The following DUSP10 variants were observed in gnomAD, a reference collection of about 807,000 sequenced individuals.
DUSP10 encodes dual specificity phosphatase 10, also known as dual specificity protein phosphatase 10.
Under a neutral mutation model 30.8 loss-of-function variants are expected in DUSP10, and 14 were observed. That is an observed-to-expected ratio of 0.46 (90% CI 0.30 to 0.71). The LOEUF is 0.71. DUSP10 is among the 30% of genes least tolerant of loss of function. The pLI is 0.08. For synonymous variants in DUSP10, 254 were observed against 250.4 expected, an observed-to-expected ratio of 1.01 and a Z score of -0.14; for missense variants, 550 against 619.4, an observed-to-expected ratio of 0.89 and a Z score of 1.19.
At chr1:221,704,652 C>T (rs1050584440) in intron 3 of DUSP10, among the ~76,000 whole-genome samples, 1 of 152,142 alleles carries the variant, frequency 6.6e-6, no homozygotes, top group African/African-American at 2.4e-5. Flanking sequence ...ATAAACATTG[C>T]CTTAGTGTGT....
chr1:221,737,950 G>A (rs371030669), intron 2 of DUSP10, among the ~76,000 whole-genome samples: 1 of 152,310 alleles, frequency 6.6e-6, no homozygotes, highest in East Asian at 1.9e-4. Context: ...CCTTGGCTCA[G>A]AACACAAGAG....
intron 2 of DUSP10, among the ~76,000 whole-genome samples, chr1:221,732,388 C>T (rs1279998710): frequency 6.6e-6 from 1 of 152,120 alleles, no homozygotes; most frequent in Non-Finnish European, 1.5e-5. Flanking sequence ...ATATTTGGTC[C>T]ATATTCTAAT....
chr1:221,704,436 T>C (rs1421850517), intron 3 of DUSP10, among the ~76,000 whole-genome samples: 1 of 152,104 alleles, frequency 6.6e-6, no homozygotes, highest in African/African-American at 2.4e-5. Context: ...TAGAAAACAA[T>C]TTCCTAACTT....
At chr1:221,712,382 G>A (rs1660964509) in intron 2 of DUSP10, among the ~76,000 whole-genome samples, 1 of 152,120 alleles carries the variant, frequency 6.6e-6, no homozygotes, top group African/African-American at 2.4e-5. Context: ...TTACTCAGGG[G>A]AAGAAAGAGA....
chr1:221,716,413 C>G (rs1406400098), intron 2 of DUSP10, among the ~76,000 whole-genome samples: 1 of 152,176 alleles, frequency 6.6e-6, no homozygotes, highest in African/African-American at 2.4e-5. Flanking sequence ...CAGGGAAGTG[C>G]CTTCTGCTCT....
At chr1:221,726,188 A>G (rs1276797112) in intron 2 of DUSP10, among the ~76,000 whole-genome samples, 1 of 152,176 alleles carries the variant, frequency 6.6e-6, no homozygotes, top group African/African-American at 2.4e-5. Flanking sequence ...ATTGGGGGGA[A>G]AAATAAACTC....
Position 221,739,328 on chromosome 1 carries a change from C to G in DUSP10, c.417G>C (p.Gly139=). The change falls in exon 2 of 4, where the codon GGG becomes GGC. Residue 139 remains glycine (G), a synonymous_variant. Coordinates refer to ENST00000366899, the MANE Select transcript of DUSP10 (RefSeq NM_007207.6). ...PSSGVGSPVS[G]TPKQLASIKI... is the part of the protein sequence containing the mutation. ...TGATGCTGGCTAGCTGCTTGGGGGT[C>G]CCTGACACAGGGCTGCCCACCCCAC... is the stretch of plus-strand genomic sequence containing the variant. 6.2e-7 allele frequency: 1 copy of G among 1,614,048 alleles called. No individual in the cohort carries two copies. Among genetic ancestry groups the G allele is most frequent in the Non-Finnish European group, 8.5e-7 (1 of 1,179,970 alleles).
chr1:221,724,283 A>G (rs561789296), intron 2 of DUSP10, among the ~76,000 whole-genome samples: 10 of 152,330 alleles, frequency 6.6e-5, no homozygotes, highest in Middle Eastern at 3.4e-3. Context: ...TACTGTTATT[A>G]CCACATTGAG....
Position 221,739,423 on chromosome 1 carries a change from T to C in DUSP10, c.322A>G (p.Thr108Ala), listed in dbSNP as rs1243089584. Residue 108 changes from threonine to alanine, a missense_variant, in exon 2 of 4, where the codon ACC (threonine) becomes GCC (alanine). Thr to Ala is a moderately conservative substitution (Grantham distance 58, BLOSUM62 0). Transcript: ENST00000366899. ...TGGTTAGCAGGGCAGGTGGTAGAGG[T>C]TCCGATGGCAGTGGTGGTGGTGCCA... is the stretch of plus-strand genomic sequence containing the variant. Reference protein sequence around the residue: ...AAGTTTTAIGTSTTCPANQMV... With the variant: ...AAGTTTTAIGASTTCPANQMV... 1.9e-6 allele frequency: 3 copies of C among 1,614,160 alleles called. No individual in the cohort carries two copies. The highest frequency in any genetic ancestry group is 2.5e-6 in the Non-Finnish European group (3 of 1,180,012).
chr1:221,707,542 T>A (rs1167139552), intron 2 of DUSP10, among the ~76,000 whole-genome samples: 2 of 152,322 alleles, frequency 1.3e-5, no homozygotes, highest in East Asian at 3.8e-4. Flanking sequence ...TTCTCCATTT[T>A]TAAAATGCAA....
intron 2 of DUSP10, among the ~76,000 whole-genome samples, chr1:221,708,278 C>T (rs142232699): frequency 6.4e-4 from 97 of 152,324 alleles, no homozygotes; most frequent in South Asian, 1.0e-3. Context: ...GTCCACTAGC[C>T]TCTGAGCCTG....
chr1:221,727,194 C>T (rs1344194846), intron 2 of DUSP10, among the ~76,000 whole-genome samples: 4 of 152,166 alleles, frequency 2.6e-5, no homozygotes, highest in African/African-American at 9.7e-5. Context: ...AATATATAAA[C>T]TGAATACAAA....
chr1:221,707,530 A>G (rs1660803168), intron 2 of DUSP10, among the ~76,000 whole-genome samples: 2 of 152,130 alleles, frequency 1.3e-5, no homozygotes, highest in Non-Finnish European at 2.9e-5. Flanking sequence ...AACTGTGCTT[A>G]TTTCTCCATT....
intron 2 of DUSP10, among the ~76,000 whole-genome samples, chr1:221,738,081 G>A (rs1187825213): frequency 6.6e-6 from 1 of 152,224 alleles, no homozygotes; most frequent in Non-Finnish European, 1.5e-5. Flanking sequence ...ACTAGGCTGG[G>A]CACAGGATGC....
intron 2 of DUSP10, among the ~76,000 whole-genome samples, chr1:221,731,600 CTTTTTTTTTTT>C (rs917122714): frequency 3.4e-5 from 4 of 119,230 alleles, no homozygotes; most frequent in African/African-American, 6.3e-5. Flanking sequence ...TAGGCTATTT[CTTTTTTTTTTT>C]TTTTTTTTTT....
chr1:221,703,285 C>T (rs1024582424), intron 3 of DUSP10, among the ~76,000 whole-genome samples: 4 of 151,910 alleles, frequency 2.6e-5, no homozygotes, highest in Non-Finnish European at 5.9e-5. Context: ...GGTTGTGTGA[C>T]TTAACAAACC....
intron 2 of DUSP10, among the ~76,000 whole-genome samples, chr1:221,724,966 G>A (rs1236143930): frequency 2.0e-5 from 3 of 152,184 alleles, no homozygotes; most frequent in East Asian, 3.8e-4. Flanking sequence ...AAGTAGCCAC[G>A]ACAATAGCTT....
chr1:221,738,773 T>G (rs1036152856), intron 2 of DUSP10, among the ~76,000 whole-genome samples, 161 bp downstream of exon 2: 2 of 152,216 alleles, frequency 1.3e-5, no homozygotes, highest in African/African-American at 4.8e-5. Flanking sequence ...TGGGTTTTTC[T>G]TACTAAACCA....
At chr1:221,705,677 G>T (rs1011962890) in intron 3 of DUSP10, among the ~76,000 whole-genome samples, 2 of 152,158 alleles carry the variant, frequency 1.3e-5, no homozygotes, top group Non-Finnish European at 2.9e-5. Flanking sequence ...TTTGGAAGGG[G>T]TGTCATATTC....
Sources: gnomAD v4.1 joint callset for allele counts (sites outside exome capture counted in the v4.1 genomes callset) on GRCh38, gnomAD v4.1.1 for gene constraint, MANE v1.5 for transcripts, NCBI Gene and HGNC (gene_info 2026-07-23, HGNC 2026-07-21) for gene names.